Variants in FSD1L observed in about 807,000 individuals in gnomAD.
The protein encoded by FSD1L is fibronectin type III and SPRY domain containing 1 like.
FSD1L carries 45 observed loss-of-function variants against 71.6 expected under a neutral mutation model. The observed-to-expected ratio is 0.63, with a 90% confidence interval of 0.49 to 0.81. The LOEUF is 0.81. Ranked by LOEUF, FSD1L falls within the 30% of genes least tolerant of loss-of-function variation. The pLI is 0.00. For synonymous variants in FSD1L, 197 were observed against 207.2 expected (o/e 0.95, Z 0.42); for missense variants, 561 against 618.1 (o/e 0.91, Z 0.98).
intron 2 of FSD1L, among the ~76,000 whole-genome samples, chr9:105,462,156 T>C (rs1056856611): frequency 6.6e-6 from 1 of 152,020 alleles, no homozygotes; most frequent in African/African-American, 2.4e-5. Flanking sequence ...CTGAACTGTA[T>C]CTGCCTTTTT....
chr9:105,515,057 C>A (rs141343812), intron 10 of FSD1L, among the ~76,000 whole-genome samples: 4 of 152,212 alleles, frequency 2.6e-5, no homozygotes, highest in African/African-American at 9.6e-5. Flanking sequence ...ATTGCAGATA[C>A]GGTATATGAT....
At chr9:105,472,237 C>A in intron 5 of FSD1L, 1 of 423,292 alleles carries the variant, frequency 2.4e-6, no homozygotes, top group East Asian at 3.8e-5. Context: ...GTGTTTCTGT[C>A]TATGAGCTGC....
At chr9:105,491,667 C>G (rs1191561793) in intron 7 of FSD1L, among the ~76,000 whole-genome samples, 1 of 151,716 alleles carries the variant, frequency 6.6e-6, no homozygotes, top group South Asian at 2.1e-4. Flanking sequence ...TTTTGAGATA[C>G]GTCCCATCAA....
Position 105,533,849 on chromosome 9 carries a change from G to A in FSD1L, c.1026-644G>A, listed in dbSNP as rs571715990. Among the ~76,000 whole-genome samples the A allele has an allele frequency of 1.1e-4, 17 of 151,684 alleles. No individual in the cohort carries two copies. In the South Asian group the frequency reaches 2.9e-3, roughly 26 times the overall value. ...AGCGATTCTCCTGCCTCAGCCTCCC[G>A]AGTAGCTGGGATTACAGGCATGTGC... On this transcript the variant is annotated intron_variant, in intron 10 of 13. Coordinates refer to ENST00000481272, the MANE Select transcript of FSD1L (RefSeq NM_001145313.3).
intron 10 of FSD1L, among the ~76,000 whole-genome samples, chr9:105,528,139 G>C (rs530451282): frequency 4.8e-4 from 73 of 152,276 alleles, no homozygotes; most frequent in African/African-American, 1.7e-3. Flanking sequence ...GGAAATAAGG[G>C]AGGACACAAA....
At chr9:105,478,293 G>C (rs1021442718) in intron 5 of FSD1L, among the ~76,000 whole-genome samples, 5 of 152,158 alleles carry the variant, frequency 3.3e-5, no homozygotes, top group Non-Finnish European at 7.4e-5. Context: ...AGAGTCCTCA[G>C]ACCAGAATGT....
chr9:105,549,995 A>T lies in FSD1L; in HGVS notation c.*3512A>T, dbSNP rs999337749. On this transcript the variant is annotated 3_prime_UTR_variant, in exon 14 of 14. Transcript: ENST00000481272. ...AAATTGATTATATTTTAAAATAATT[A>T]TTTTTTTAAAAACGTAATTTGTTTT... 6.6e-6 allele frequency: 1 copy of T among 151,972 alleles called. No individual in the cohort carries two copies. The highest frequency in any genetic ancestry group is 2.4e-5 in the African/African-American group (1 of 41,456). The allele number at this position is 151,972 out of a possible 1,614,324, so 9.4% of individuals were successfully genotyped here.
At chr9:105,500,012 C>T (rs988689468) in intron 7 of FSD1L, among the ~76,000 whole-genome samples, 3 of 152,108 alleles carry the variant, frequency 2.0e-5, no homozygotes, top group African/African-American at 7.2e-5. Context: ...TATCTTTAGC[C>T]TTTCTTTGCG....
upstream of FSD1L, among the ~76,000 whole-genome samples, chr9:105,447,394 T>C (rs908532227): frequency 5.9e-5 from 9 of 151,628 alleles, no homozygotes; most frequent in African/African-American, 2.2e-4. Flanking sequence ...TACCATACGT[T>C]ATTTAATCCT....
chr9:105,502,105 A>G (rs1256355532), intron 7 of FSD1L, among the ~76,000 whole-genome samples: 1 of 152,176 alleles, frequency 6.6e-6, no homozygotes, highest in Non-Finnish European at 1.5e-5. Context: ...TAAGAATAGT[A>G]AAGGCTGTTG....
intron 7 of FSD1L, among the ~76,000 whole-genome samples, chr9:105,492,133 T>A (rs1161018301): frequency 2.6e-5 from 4 of 152,132 alleles, no homozygotes; most frequent in Non-Finnish European, 5.9e-5. Context: ...GGTCCTGGAC[T>A]CTTTTTGGTT....
At chr9:105,495,206 G>C (rs978641871) in intron 7 of FSD1L, among the ~76,000 whole-genome samples, 16 of 152,192 alleles carry the variant, frequency 1.1e-4, no homozygotes, top group Admixed American at 9.8e-4. Flanking sequence ...GGGCAATGGC[G>C]GGTGCCCCTC....
chr9:105,519,239 G>A (rs1360808137), intron 10 of FSD1L, among the ~76,000 whole-genome samples: 1 of 152,144 alleles, frequency 6.6e-6, no homozygotes, highest in African/African-American at 2.4e-5. Flanking sequence ...AGAGGAGCTG[G>A]TGTCATTCCT....
chr9:105,501,191 T>A (rs1833736206), intron 7 of FSD1L, among the ~76,000 whole-genome samples: 1 of 152,126 alleles, frequency 6.6e-6, no homozygotes, highest in Non-Finnish European at 1.5e-5. Context: ...TTATAAAAGC[T>A]CAGCAATATA....
rs1837230751 is a variant in FSD1L at position 105,550,768 on chromosome 9, T to G, written c.*4285T>G. Reference sequence around the variant, plus strand: ...ATACCAGAATTTACCAGAGTACACTTTTCTCTTCAGATGACTCAATTATTA... The same window carrying G: ...ATACCAGAATTTACCAGAGTACACTGTTCTCTTCAGATGACTCAATTATTA... On this transcript the variant is annotated 3_prime_UTR_variant, in exon 14 of 14. Coordinates refer to ENST00000481272, the MANE Select transcript of FSD1L (RefSeq NM_001145313.3). The G allele has an allele frequency of 6.6e-6, 1 of 152,088 alleles. No individual in the cohort carries two copies. Among genetic ancestry groups the G allele is most frequent in the African/African-American group, 2.4e-5 (1 of 41,442 alleles). 9.4% of individuals were successfully genotyped at this position (152,088 alleles called of 1,614,324 possible).
Position 105,506,773 on chromosome 9 carries a change from C to CTT in FSD1L, c.796+177_796+178dup, listed in dbSNP as rs80071145. ...TTTCTCTTGAAACATCAAGGAAACC[C>CTT]TTTTTTTTTTTTTAAGACAGGATCT... On this transcript the variant is annotated intron_variant, in intron 8 of 13. Coordinates refer to ENST00000481272, the MANE Select transcript of FSD1L (RefSeq NM_001145313.3). 1.6e-4 allele frequency among the ~76,000 whole-genome samples: 23 copies of CTT among 143,986 alleles called. No individual in the cohort carries two copies. In the South Asian group the frequency reaches 4.4e-3, roughly 28 times the overall value. 94.5% of individuals were successfully genotyped at this position (143,986 alleles called of 152,430 possible).
chr9:105,530,511 C>CA (rs1169569738), intron 10 of FSD1L: 3 of 668,500 alleles, frequency 4.5e-6, no homozygotes, highest in Non-Finnish European at 8.1e-6. Flanking sequence ...TGGTAAGTTA[C>CA]AAATTTTTAA....
At chr9:105,488,535 A>T (rs893976914) in intron 7 of FSD1L, among the ~76,000 whole-genome samples, 3 of 152,160 alleles carry the variant, frequency 2.0e-5, no homozygotes, top group African/African-American at 4.8e-5. Context: ...CTTTGGATAA[A>T]TGCCGATTAC....
intron 1 of FSD1L, among the ~76,000 whole-genome samples, chr9:105,449,856 G>GT (rs1374342125): frequency 3.9e-5 from 6 of 152,178 alleles, no homozygotes; most frequent in Non-Finnish European, 7.3e-5. Context: ...TTCGAATGAT[G>GT]TGTTAGGGTA....
Sources: gnomAD v4.1 joint callset for allele counts (sites outside exome capture counted in the v4.1 genomes callset) on GRCh38, gnomAD v4.1.1 for gene constraint, MANE v1.5 for transcripts, NCBI Gene and HGNC (gene_info 2026-07-23, HGNC 2026-07-21) for gene names.